Variants in IQGAP1 observed in about 807,000 individuals in gnomAD.
IQGAP1 encodes the protein IQ motif containing GTPase activating protein 1.
In IQGAP1, 66 loss-of-function variants were observed where a neutral mutation model predicts 215.6. The observed-to-expected ratio is 0.31, with a 90% CI of 0.25 to 0.38. The LOEUF (loss-of-function observed/expected upper bound fraction) is 0.38, where lower values mean the gene tolerates loss of function less well. Among genes scored for constraint, IQGAP1 ranks in the 10% least tolerant of loss-of-function variants. The pLI, the probability that IQGAP1 is intolerant of heterozygous loss-of-function variation, is 1.00. For missense variants in IQGAP1, 1,712 were observed against 1,997.1 expected (o/e 0.86, Z 2.72); for synonymous variants, 772 against 728.7 (o/e 1.06, Z -0.96).
At chr15:90,448,781 A>T (rs775081799) in intron 10 of IQGAP1, 45 bp downstream of exon 10, 2 of 1,380,082 alleles carry the variant, frequency 1.4e-6, no homozygotes, top group Non-Finnish European at 1.9e-6. Context: ...GTATATATCC[A>T]TTCGAATCCC....
intron 33 of IQGAP1, among the ~76,000 whole-genome samples, chr15:90,488,504 G>A (rs1300537357): frequency 6.6e-6 from 1 of 151,904 alleles, no homozygotes; most frequent in East Asian, 1.9e-4. Flanking sequence ...TCTGTTACAT[G>A]CCTTGGTAGA....
intron 32 of IQGAP1, 146 bp downstream of exon 32, chr15:90,487,235 T>C: frequency 1.3e-6 from 1 of 784,980 alleles, no homozygotes; most frequent in Non-Finnish European, 2.1e-6. Flanking sequence ...CCTCGCATAT[T>C]GTACTTGGTA....
chr15:90,454,547 A>G lies in IQGAP1; in HGVS notation c.1607A>G (p.His536Arg). ...DHVNLVVQEEHERILAIGLIN... is the reference protein window; with the variant it reads ...DHVNLVVQEERERILAIGLIN... ...GTGAACCTGGTGGTGCAAGAGGAAC[A>G]TGAGAGTGAGTTATCTTCCTGTCCT... The change falls in exon 14 of 38, where the codon CAT becomes CGT. Residue 536 changes from histidine to arginine, a missense_variant. Around this residue, in one of 2 missense-constraint regions of IQGAP1, gnomAD observed 1,021 missense variants for 1,074.2 expected, o/e 0.95. Transcript: ENST00000268182. 1 of 1,568,368 alleles carries G rather than the reference A, an allele frequency of 6.4e-7. No individual in the cohort carries two copies. Among genetic ancestry groups the G allele is most frequent in the South Asian group, 1.2e-5 (1 of 84,228 alleles).
intron 23 of IQGAP1, chr15:90,475,003 T>TG (rs1965958579): frequency 4.1e-6 from 1 of 243,816 alleles, no homozygotes; most frequent in East Asian, 9.0e-5. Flanking sequence ...GCTTTTTTTT[T>TG]TTTTTTTTTT....
intron 30 of IQGAP1, among the ~76,000 whole-genome samples, chr15:90,485,213 T>C (rs904789508): frequency 6.6e-6 from 1 of 152,222 alleles, no homozygotes; most frequent in Non-Finnish European, 1.5e-5. Context: ...CTGTCATTTC[T>C]GAGGGCATCA....
chr15:90,437,103 T>C (rs555075034), intron 5 of IQGAP1, among the ~76,000 whole-genome samples: 3 of 152,138 alleles, frequency 2.0e-5, no homozygotes, highest in Non-Finnish European at 4.4e-5. Context: ...CTCAGGAAAC[T>C]TACAATCATG....
chr15:90,441,662 A>G lies in IQGAP1; in HGVS notation c.806A>G (p.Lys269Arg). The G allele has an allele frequency of 1.2e-6, 2 of 1,606,642 alleles. No homozygotes were observed. The highest frequency in any genetic ancestry group is 1.7e-5 in the Admixed American group (1 of 58,166). ...ATACTTTACCAGGCTAAGCAGGACA[A>G]AATGACAAATGCTAAAAACAGGGTA... ...QDILYQAKQD[K>R]MTNAKNRTEN... Residue 269 changes from lysine to arginine, a missense_variant, in exon 8 of 38, where the codon AAA becomes AGA. Coordinates refer to ENST00000268182, the MANE Select transcript of IQGAP1 (RefSeq NM_003870.4).
At position 90,487,070 on chromosome 15, in the gene IQGAP1, G is replaced by A; in HGVS notation, c.4141G>A (p.Ala1381Thr). The A allele has an allele frequency of 6.2e-7, 1 of 1,614,106 alleles. No homozygotes were observed. Reference sequence around the variant, plus strand: ...TGGAGATGAGAATGCAGAAATGGATGCTCGAACCATCTTACTGAAGTGAGT... The same window carrying A: ...TGGAGATGAGAATGCAGAAATGGATACTCGAACCATCTTACTGAAGTGAGT... ...VPGDENAEMD[A>T]RTILLNTKRL... Residue 1381 changes from alanine to threonine, a missense_variant, in exon 32 of 38, where the codon GCT becomes ACT. Ala to Thr is a moderately conservative substitution (Grantham distance 58, BLOSUM62 0). Coordinates refer to ENST00000268182, the MANE Select transcript of IQGAP1 (RefSeq NM_003870.4).
chr15:90,492,277 T>A (rs1966215984), intron 34 of IQGAP1, among the ~76,000 whole-genome samples: 1 of 151,990 alleles, frequency 6.6e-6, no homozygotes, highest in Non-Finnish European at 1.5e-5. Flanking sequence ...AAAAAGTTTT[T>A]TAATTAGCCA....
At chr15:90,480,920 G>A (rs982827367) in intron 26 of IQGAP1, among the ~76,000 whole-genome samples, 3 of 152,102 alleles carry the variant, frequency 2.0e-5, no homozygotes, top group African/African-American at 4.8e-5. Context: ...CACCCGCCTC[G>A]GCCTCCCAAA....
intron 2 of IQGAP1, among the ~76,000 whole-genome samples, chr15:90,406,021 C>T (rs2151005061): frequency 6.6e-6 from 1 of 152,180 alleles, no homozygotes; most frequent in Admixed American, 6.5e-5. Context: ...TATAATTGCT[C>T]AGTGATCTTT....
In IQGAP1 at chr15:90,449,563, G is replaced by T. The variant is rs1965572158; in HGVS notation, c.1082G>T (p.Gly361Val). Residue 361 changes from glycine (G) to valine (V), a missense_variant, in exon 11 of 38, where the codon GGT (glycine) becomes GTT (valine). By Grantham distance (109) the Gly-to-Val change is moderately radical. Around this residue, in one of 2 missense-constraint regions of IQGAP1, gnomAD observed 1,021 missense variants for 1,074.2 expected, o/e 0.95. Transcript: ENST00000268182. ...AATTTTCTTTGCTTTGCTCAGAGTGGTCAGACTGACCCCCTGCAGAAGGAG... is the reference window on the plus strand; with the variant it reads ...AATTTTCTTTGCTTTGCTCAGAGTGTTCAGACTGACCCCCTGCAGAAGGAG... ...LSDKQQKRQS[G>V]QTDPLQKEEL... 1 of 1,611,890 alleles carries T rather than the reference G, an allele frequency of 6.2e-7. No homozygotes were observed. The highest frequency in any genetic ancestry group is 8.5e-7 in the Non-Finnish European group (1 of 1,179,030).
At chr15:90,473,169 C>A in intron 19 of IQGAP1, 159 bp downstream of exon 19, 1 of 653,154 alleles carries the variant, frequency 1.5e-6, no homozygotes. Flanking sequence ...TACCATTTAA[C>A]TGTAGTGTGC....
intron 2 of IQGAP1, among the ~76,000 whole-genome samples, chr15:90,402,064 G>T (rs1964812317): frequency 6.6e-6 from 1 of 152,208 alleles, no homozygotes; most frequent in African/African-American, 2.4e-5. Flanking sequence ...GGTGCCCAGA[G>T]ACATTAAGTA....
chr15:90,401,192 T>C (rs550916598), intron 2 of IQGAP1, among the ~76,000 whole-genome samples: 1 of 152,174 alleles, frequency 6.6e-6, no homozygotes, highest in East Asian at 1.9e-4. Context: ...TGAAGTCTCC[T>C]AGCAATCTGA....
intron 3 of IQGAP1, among the ~76,000 whole-genome samples, chr15:90,428,698 G>A (rs1005841444): frequency 2.6e-5 from 4 of 152,084 alleles, no homozygotes; most frequent in Admixed American, 6.6e-5. Flanking sequence ...TGAGAATATC[G>A]CTTGAGCCCA....
chr15:90,408,459 T>A (rs575238992), intron 2 of IQGAP1, among the ~76,000 whole-genome samples: 4 of 152,206 alleles, frequency 2.6e-5, no homozygotes, highest in African/African-American at 7.2e-5. Context: ...GATTCTACCC[T>A]TATGTACATA....
At chr15:90,436,452 C>T (rs1351736574) in intron 5 of IQGAP1, among the ~76,000 whole-genome samples, 2 of 152,170 alleles carry the variant, frequency 1.3e-5, no homozygotes, top group Non-Finnish European at 2.9e-5. Flanking sequence ...TCCTAATCAC[C>T]TGCTGTGTTT....
rs746111782 is a variant in IQGAP1, at chr15:90,454,496, A to C, written c.1556A>C (p.Asn519Thr). 6.2e-7 allele frequency: 1 copy of C among 1,611,688 alleles called. No individual in the cohort carries two copies. The highest frequency in any genetic ancestry group is 8.5e-7 in the Non-Finnish European group (1 of 1,179,108). Residue 519 changes from asparagine to threonine, a missense_variant, in exon 14 of 38, where the codon AAT becomes ACT. This residue lies in a region of IQGAP1 where 1,021 missense variants were observed against 1,074.2 expected (regional missense o/e 0.95). Transcript: ENST00000268182. ...GAGAATAATGAATTCATTACATGGA[A>C]TGATATCCAAGCTTGCGTGGACCAT... ...HAENNEFITWNDIQACVDHVN... is the reference protein window; with the variant it reads ...HAENNEFITWTDIQACVDHVN...
Sources: gnomAD v4.1 joint callset for allele counts (sites outside exome capture counted in the v4.1 genomes callset) on GRCh38, gnomAD v4.1.1 for gene constraint, gnomAD v4.1.1 regional missense constraint, MANE v1.5 for transcripts, NCBI Gene and HGNC (gene_info 2026-07-23, HGNC 2026-07-21) for gene names.